Variants in TEKT3 observed in about 807,000 individuals in gnomAD.
TEKT3 encodes tektin 3.
TEKT3 carries 49 observed loss-of-function variants against 49.8 expected under a neutral mutation model. That is an observed-to-expected ratio of 0.98 (90% confidence interval 0.78 to 1.25). The LOEUF (loss-of-function observed/expected upper bound fraction) is 1.25, where lower values mean the gene tolerates loss of function less well. Ranked by LOEUF, TEKT3 falls within the 50% of genes most tolerant of loss-of-function variation. TEKT3 has a pLI of 0.00. For synonymous variants in TEKT3, 225 were observed against 237.2 expected (o/e 0.95, Z 0.47); for missense variants, 595 against 629.5 (o/e 0.95, Z 0.59).
chr17:15,305,611 C>T (rs370165642), intron 8 of TEKT3, among the ~76,000 whole-genome samples: 2 of 152,026 alleles, frequency 1.3e-5, no homozygotes, highest in African/African-American at 2.4e-5. Flanking sequence ...TACAATCACA[C>T]GGGGCCTGCC....
At chr17:15,320,622 G>A (rs1427587153) in intron 4 of TEKT3, among the ~76,000 whole-genome samples, 1 of 152,094 alleles carries the variant, frequency 6.6e-6, no homozygotes, top group Non-Finnish European at 1.5e-5. Flanking sequence ...TGTCTAGAGT[G>A]ATCACCCTAC....
Position 15,331,236 on chromosome 17 carries a change from G to A in TEKT3, c.350C>T (p.Ser117Leu), listed in dbSNP as rs376822371. 18 of 1,613,996 alleles carry A rather than the reference G, an allele frequency of 1.1e-5. No homozygotes were observed. The highest frequency in any genetic ancestry group is 2.7e-5 in the African/African-American group (2 of 74,886). The change falls in exon 3 of 9, where the codon TCG becomes TTG. Residue 117 changes from serine (S) to leucine (L), a missense_variant. By Grantham distance (145) the Ser-to-Leu change is moderately radical. Coordinates refer to ENST00000395930, the MANE Select transcript of TEKT3 (RefSeq NM_031898.3). ...AGATGTATCCACTCTTAGTTTCTCC[G>A]AATTATGTCGGGAAGTGTTGGACTC... ...YQESNTSRHN[S>L]EKLRVDTSRL...
rs557879268 is a variant in TEKT3 at position 15,303,819 on chromosome 17, A to G, written c.*117T>C. On this transcript the variant is annotated 3_prime_UTR_variant, in exon 9 of 9. Coordinates refer to ENST00000395930, the MANE Select transcript of TEKT3 (RefSeq NM_031898.3). The stretch of plus-strand genomic sequence containing the variant: ...GCTTTCCGAGACAGGAGGTTGGTAC[A>G]TTTCCATCAGCATAATCCTTTAATA... The G allele has an allele frequency of 2.0e-6, 2 of 996,430 alleles. No homozygotes were observed. The highest frequency in any genetic ancestry group is 2.6e-5 in the East Asian group (1 of 38,876). 61.7% of individuals were successfully genotyped at this position (996,430 alleles called of 1,614,324 possible). A position where few individuals can be genotyped will look rare whatever the true frequency, so the allele number is the denominator to read the frequency against.
intron 7 of TEKT3, chr17:15,311,054 A>G (rs1309936007): frequency 6.6e-6 from 1 of 152,178 alleles, no homozygotes; most frequent in Admixed American, 6.5e-5. Flanking sequence ...TTATTTGATA[A>G]TCATGATTTG....
intron 5 of TEKT3, among the ~76,000 whole-genome samples, chr17:15,315,446 G>T (rs1910958521): frequency 6.6e-6 from 1 of 152,218 alleles, no homozygotes; most frequent in Non-Finnish European, 1.5e-5. Flanking sequence ...CCATTAGGGG[G>T]CCACTGCAGT....
At chr17:15,332,475 G>A (rs1057326132) in intron 2 of TEKT3, among the ~76,000 whole-genome samples, 2 of 152,188 alleles carry the variant, frequency 1.3e-5, no homozygotes, top group Non-Finnish European at 2.9e-5. Context: ...TTGGACTGTT[G>A]TGAGCAGTGG....
chr17:15,322,569 G>A (rs1286830053), intron 4 of TEKT3, among the ~76,000 whole-genome samples: 5 of 152,196 alleles, frequency 3.3e-5, no homozygotes, highest in Non-Finnish European at 5.9e-5. Context: ...TGCTGACCCC[G>A]CGCTGTGGCC....
intron 2 of TEKT3, among the ~76,000 whole-genome samples, chr17:15,335,993 T>TA (rs1214418361): frequency 6.6e-5 from 10 of 151,318 alleles, no homozygotes; most frequent in South Asian, 4.2e-4. Flanking sequence ...TGCAGTGCCA[T>TA]AAAAAAAAGT....
At chr17:15,342,515 A>G (rs1343116413), upstream of TEKT3, among the ~76,000 whole-genome samples, 1 of 152,216 alleles carries the variant, frequency 6.6e-6, no homozygotes, top group Non-Finnish European at 1.5e-5. Context: ...TTGCCAGGAT[A>G]AGGCAGGCTG....
rs1911740446 is a variant in TEKT3, at chr17:15,331,400, G to A, written c.186C>T (p.Ser62=). The A allele has an allele frequency of 1.2e-6, 2 of 1,614,002 alleles. No homozygotes were observed. The highest frequency in any genetic ancestry group is 1.7e-5 in the Admixed American group (1 of 59,988). Residue 62 remains serine (S), a synonymous_variant, in exon 3 of 9, where the codon TCC becomes TCT. Coordinates refer to ENST00000395930, the MANE Select transcript of TEKT3 (RefSeq NM_031898.3). Reference sequence around the variant, plus strand: ...TGGTGCAGTACGGGGCCACGCTTGGGGAATTGGAGGCGACTTTGTAGTATG... The same window carrying A: ...TGGTGCAGTACGGGGCCACGCTTGGAGAATTGGAGGCGACTTTGTAGTATG... ...PSTYYKVASN[S]PSVAPYCTRS... is the part of the protein sequence containing the mutation.
chr17:15,343,659 A>G (rs1459829415), upstream of TEKT3, among the ~76,000 whole-genome samples: 2 of 152,248 alleles, frequency 1.3e-5, no homozygotes, highest in Non-Finnish European at 2.9e-5. Context: ...TTAGTGGGGT[A>G]GGAAACTATC....
chr17:15,304,229 C>T lies in TEKT3; in HGVS notation c.1257-77G>A. 2 of 1,410,870 alleles carry T rather than the reference C, an allele frequency of 1.4e-6. No homozygotes were observed. The highest frequency in any genetic ancestry group is 2.0e-6 in the Non-Finnish European group (2 of 1,009,062). The allele number at this position is 1,410,870 out of a possible 1,614,324, so 87.4% of individuals were successfully genotyped here. On this transcript the variant is annotated intron_variant, in intron 8 of 8. Coordinates refer to ENST00000395930, the MANE Select transcript of TEKT3 (RefSeq NM_031898.3). This position sits in a 1 kb window ranked among gnomAD's most constrained non-coding sequence, Gnocchi z 4.7. ...TCCAAGTACATCACATTGTAACCAG[C>T]GATGCAAAGCTCACATTTTCTTTAC...
chr17:15,306,140 T>C (rs1567571893), intron 8 of TEKT3, among the ~76,000 whole-genome samples: 3 of 151,406 alleles, frequency 2.0e-5, no homozygotes, highest in South Asian at 4.2e-4. Context: ...CATATATATA[T>C]ACATAAAGAT....
rs534842034 is a variant in TEKT3, at chr17:15,307,136, G to A, written c.1256+1528C>T. 6.6e-5 allele frequency: 10 copies of A among 152,312 alleles called. No individual in the cohort carries two copies. In the East Asian group the frequency reaches 1.3e-3, roughly 21 times the overall value. The allele number at this position is 152,312 out of a possible 1,614,324, so 9.4% of individuals were successfully genotyped here. ...CACAGACAACATGCGTGCTATACAC[G>A]TAAGGTGTTTCATCATAATGATCTC... On this transcript the variant is annotated intron_variant, in intron 8 of 8. Transcript: ENST00000395930.
intron 3 of TEKT3, among the ~76,000 whole-genome samples, chr17:15,328,892 T>G (rs1266949762): frequency 2.0e-5 from 3 of 152,202 alleles, no homozygotes; most frequent in Admixed American, 2.0e-4. Context: ...ATTAAATTTT[T>G]AAAAGCATAA....
chr17:15,341,359 C>A (rs1912221763), intron 1 of TEKT3, among the ~76,000 whole-genome samples, 159 bp downstream of exon 1: 1 of 152,032 alleles, frequency 6.6e-6, no homozygotes, highest in Admixed American at 6.6e-5. Context: ...TGGATTTGTA[C>A]GGTTTTTATT....
chr17:15,322,603 AC>A (rs1911313819), intron 4 of TEKT3, among the ~76,000 whole-genome samples: 1 of 152,188 alleles, frequency 6.6e-6, no homozygotes, highest in Non-Finnish European at 1.5e-5. Context: ...TAAAATCATT[AC>A]TTGGATGTCC....
intron 8 of TEKT3, among the ~76,000 whole-genome samples, chr17:15,308,462 C>A (rs573306220): frequency 1.3e-5 from 2 of 152,288 alleles, no homozygotes; most frequent in South Asian, 4.1e-4. Context: ...TTGGTGCAAC[C>A]GTCACCGCCA....
chr17:15,319,826 T>G (rs980955925), intron 4 of TEKT3, among the ~76,000 whole-genome samples: 1 of 152,220 alleles, frequency 6.6e-6, no homozygotes, highest in Non-Finnish European at 1.5e-5. Context: ...CCCTTGAAAT[T>G]TCTATGCACG....
Sources: gnomAD v4.1 joint callset for allele counts (sites outside exome capture counted in the v4.1 genomes callset) on GRCh38, gnomAD v4.1.1 for gene constraint, Gnocchi (gnomAD v3.1) non-coding constraint, MANE v1.5 for transcripts, NCBI Gene and HGNC (gene_info 2026-07-23, HGNC 2026-07-21) for gene names.